SLCO3A1: variants seen among roughly 807,000 people sequenced by gnomAD.
SLCO3A1 encodes solute carrier organic anion transporter family member 3A1, also known as PGE1 transporter.
SLCO3A1 carries 27 observed loss-of-function variants against 63.1 expected under a neutral mutation model. The ratio of observed to expected loss-of-function variants is 0.43; its 90% CI spans 0.32 to 0.59. The LOEUF is 0.59. Among genes scored for constraint, SLCO3A1 ranks in the 20% least tolerant of loss-of-function variants. The probability of loss-of-function intolerance (pLI) is 0.09; values close to 1 mark genes in which losing one functional copy is unlikely to be tolerated. For synonymous variants in SLCO3A1, 473 were observed against 409.9 expected (o/e 1.15, Z -1.86); for missense variants, 773 against 945.8 (o/e 0.82, Z 2.40).
chr15:92,046,940 G>A (rs1187367083), intron 2 of SLCO3A1, among the ~76,000 whole-genome samples: 1 of 129,720 alleles, frequency 7.7e-6, no homozygotes, highest in African/African-American at 2.9e-5. Flanking sequence ...GCTGCTGGTT[G>A]CAGCCCACAC....
In SLCO3A1 at chr15:92,047,591, ATAATATAT is replaced by A. The variant is rs1373035934; in HGVS notation, c.647-47289_647-47282del. ...ATATAAATATATATATAATATATAT[ATAATATAT>A]AATATATATATAATATATAAATATA... On this transcript the variant is annotated intron_variant, in intron 2 of 9. Transcript: ENST00000318445. Among the ~76,000 whole-genome samples the A allele has an allele frequency of 4.6e-3, 38 of 8,302 alleles. 10 individuals carry two copies. The highest frequency in any genetic ancestry group is 9.7e-3 in the Non-Finnish European group (38 of 3,898). 5.4% of individuals were successfully genotyped at this position (8,302 alleles called of 152,430 possible).
At chr15:91,929,158 G>C (rs966529531) in intron 2 of SLCO3A1, among the ~76,000 whole-genome samples, 2 of 152,198 alleles carry the variant, frequency 1.3e-5, no homozygotes, top group Admixed American at 1.3e-4. Context: ...GTGTTCTGAA[G>C]ACCCTCAGGA....
intron 4 of SLCO3A1, among the ~76,000 whole-genome samples, chr15:92,113,225 C>G (rs1018521325): frequency 6.6e-6 from 1 of 152,068 alleles, no homozygotes. Context: ...ATGACTGGGG[C>G]GACACCAATT....
chr15:92,100,715 C>G (rs1274262933), intron 3 of SLCO3A1, among the ~76,000 whole-genome samples: 2 of 152,188 alleles, frequency 1.3e-5, no homozygotes, highest in Non-Finnish European at 2.9e-5. Flanking sequence ...TTTCTATTTC[C>G]TAAACCTTTT....
In SLCO3A1 at chr15:91,854,404, C is replaced by T. The variant is rs536613353; in HGVS notation, c.180+316C>T. The stretch of plus-strand genomic sequence containing the variant: ...TTCCTCTCCCCCCATAAGAGCGGAG[C>T]GAGACGGTGAGTTCAGGGTTCTCCT... On this transcript the variant is annotated intron_variant, in intron 1 of 9. Transcript: ENST00000318445. The surrounding 1 kb of genome is among the most constrained non-coding windows in gnomAD (Gnocchi z 6.4). 7.7e-6 allele frequency: 8 copies of T among 1,036,116 alleles called. No homozygotes were observed. In the East Asian group the frequency reaches 3.7e-4, roughly 48 times the overall value. The allele number at this position is 1,036,116 out of a possible 1,614,324, so 64.2% of individuals were successfully genotyped here. A position where few individuals can be genotyped will look rare whatever the true frequency, so the allele number is the denominator to read the frequency against.
At chr15:91,959,922 C>T (rs185123436) in intron 2 of SLCO3A1, among the ~76,000 whole-genome samples, 52 of 152,196 alleles carry the variant, frequency 3.4e-4, no homozygotes, top group African/African-American at 1.3e-3. Flanking sequence ...AATTTACTTT[C>T]TGTGTCTATT....
chr15:92,125,656 G>A (rs1028571715), intron 5 of SLCO3A1, among the ~76,000 whole-genome samples: 4 of 151,808 alleles, frequency 2.6e-5, no homozygotes, highest in Admixed American at 6.6e-5. Flanking sequence ...TCTCAAGTCC[G>A]CTTCCCACAT....
At chr15:91,905,708 A>C (rs1469003315) in intron 1 of SLCO3A1, among the ~76,000 whole-genome samples, 1 of 152,106 alleles carries the variant, frequency 6.6e-6, no homozygotes, top group Non-Finnish European at 1.5e-5. Flanking sequence ...GATTTTTGAC[A>C]GTAAATGTTA....
At position 91,968,957 on chromosome 15, in the gene SLCO3A1, A is replaced by G. The variant is rs2151427265; in HGVS notation, c.646+52499A>G. On this transcript the variant is annotated intron_variant, in intron 2 of 9. Transcript: ENST00000318445. This position sits in a 1 kb window ranked among gnomAD's most constrained non-coding sequence, Gnocchi z 4.2. ...AGCTCAGAGGTCCCTTCCTCTCAGA[A>G]GCCATCTCTGCCTCCACCTACCTCC... Among the ~76,000 whole-genome samples, 1 of 152,294 alleles carries G rather than the reference A, an allele frequency of 6.6e-6. No individual in the cohort carries two copies. The highest frequency in any genetic ancestry group is 3.4e-3 in the Middle Eastern group (1 of 294).
downstream of SLCO3A1, among the ~76,000 whole-genome samples, chr15:92,169,419 G>A (rs1313981314): frequency 6.6e-6 from 1 of 152,212 alleles, no homozygotes; most frequent in Non-Finnish European, 1.5e-5. Context: ...GGCCCGAGTG[G>A]ACTGTGGGGC....
rs767263297 is a variant in SLCO3A1 at position 91,894,306 on chromosome 15, C to T, written c.181-21687C>T. On this transcript the variant is annotated intron_variant, in intron 1 of 9. Coordinates refer to ENST00000318445, the MANE Select transcript of SLCO3A1 (RefSeq NM_013272.4). The surrounding 1 kb of genome is among the most constrained non-coding windows in gnomAD (Gnocchi z 4.8). ...CGGAGTTAGGATTTTATTCCAGGCC[C>T]ATGGGGAGCCATTGGAAAATACTGA... Among the ~76,000 whole-genome samples, 8 of 152,140 alleles carry T rather than the reference C, an allele frequency of 5.3e-5. No individual in the cohort carries two copies. Among genetic ancestry groups the T allele is most frequent in the Non-Finnish European group, 1.2e-4 (8 of 67,998 alleles).
At chr15:92,104,570 C>G (rs1448774226) in intron 4 of SLCO3A1, 28 bp downstream of exon 4, 2 of 1,603,714 alleles carry the variant, frequency 1.2e-6, no homozygotes, top group Non-Finnish European at 1.7e-6. Flanking sequence ...TGCCTCTGCT[C>G]AGAACAGTAG....
chr15:92,002,668 T>C (rs903795650), intron 2 of SLCO3A1, among the ~76,000 whole-genome samples: 1 of 152,196 alleles, frequency 6.6e-6, no homozygotes, highest in Non-Finnish European at 1.5e-5. Context: ...TTCTCCGAAA[T>C]TAGTGGTAGC....
chr15:92,046,444 C>T (rs1339819058), intron 2 of SLCO3A1, among the ~76,000 whole-genome samples: 9 of 152,040 alleles, frequency 5.9e-5, no homozygotes, highest in Non-Finnish European at 1.0e-4. Flanking sequence ...GCAGGAGAAT[C>T]GCTTGAACCC....
intron 2 of SLCO3A1, among the ~76,000 whole-genome samples, chr15:92,086,123 G>A (rs557036596): frequency 2.1e-4 from 32 of 152,294 alleles, no homozygotes; most frequent in Non-Finnish European, 3.8e-4. Flanking sequence ...TGTGCAGTCC[G>A]TCAGCACACT....
rs1430272069 is a variant in SLCO3A1 at position 92,162,776 on chromosome 15, A to G, written c.1774A>G (p.Ile592Val). The change falls in exon 10 of 10, where the codon ATC becomes GTC. Residue 592 changes from isoleucine to valine, a missense_variant. By Grantham distance (29) the Ile-to-Val change is conservative. Transcript: ENST00000318445. Reference sequence around the variant, plus strand: ...AACAGGCTTCATCCCTCCACCCCTCATCTTCGGGGCTGGCATCGACTCCAC... The same window carrying G: ...AACAGGCTTCATCCCTCCACCCCTCGTCTTCGGGGCTGGCATCGACTCCAC... ...RLLGFIPPPLIFGAGIDSTCL... is the reference protein window; with the variant it reads ...RLLGFIPPPLVFGAGIDSTCL... 3.7e-6 allele frequency: 6 copies of G among 1,613,568 alleles called. No individual in the cohort carries two copies. Among genetic ancestry groups the G allele is most frequent in the Admixed American group, 3.3e-5 (2 of 59,960 alleles).
In SLCO3A1 at chr15:92,163,206, G is replaced by T. The variant is rs2048462602; in HGVS notation, c.*71G>T. On this transcript the variant is annotated 3_prime_UTR_variant, in exon 10 of 10. Coordinates refer to ENST00000318445, the MANE Select transcript of SLCO3A1 (RefSeq NM_013272.4). ...TTTTTTCTTAAAAAAAGAAAAAAAG[G>T]TTCCAAAAAAAACCAAAACTCAGTA... 3 of 1,435,982 alleles carry T rather than the reference G, an allele frequency of 2.1e-6. No individual in the cohort carries two copies. Among genetic ancestry groups the T allele is most frequent in the South Asian group, 1.7e-5 (1 of 59,512 alleles). The allele number at this position is 1,435,982 out of a possible 1,614,324, so 89.0% of individuals were successfully genotyped here.
At chr15:92,105,275 A>G (rs2047654377) in intron 4 of SLCO3A1, among the ~76,000 whole-genome samples, 1 of 152,028 alleles carries the variant, frequency 6.6e-6, no homozygotes, top group South Asian at 2.1e-4. Flanking sequence ...CTCTCATCTC[A>G]AAAGAAAAAA....
chr15:92,172,184 GA>G (rs2048525390), exon 11 of SLCO3A1: 1 of 244,566 alleles, frequency 4.1e-6, no homozygotes, highest in African/African-American at 2.2e-5. Context: ...ACATGCTTTA[GA>G]AACTCCCCTC....
Sources: gnomAD v4.1 joint callset for allele counts (sites outside exome capture counted in the v4.1 genomes callset) on GRCh38, gnomAD v4.1.1 for gene constraint, Gnocchi (gnomAD v3.1) non-coding constraint, MANE v1.5 for transcripts, NCBI Gene and HGNC (gene_info 2026-07-23, HGNC 2026-07-21) for gene names.